The following ADGRD1 variants were observed in gnomAD, a reference collection of about 807,000 sequenced individuals.
ADGRD1 encodes adhesion G protein-coupled receptor D1.
ADGRD1 carries 77 observed loss-of-function variants against 113.4 expected under a neutral mutation model. That is an observed-to-expected ratio of 0.68 (90% CI 0.57 to 0.82). The LOEUF is 0.82. Among genes scored for constraint, ADGRD1 ranks in the 40% least tolerant of loss-of-function variants. The pLI is 0.00. For synonymous variants in ADGRD1, 474 were observed against 475.0 expected (o/e 1.00, Z 0.03); for missense variants, 1,036 against 1,139.1 (o/e 0.91, Z 1.30).
intron 20 of ADGRD1, among the ~76,000 whole-genome samples, chr12:131,122,545 A>G (rs2136060521): frequency 6.6e-6 from 1 of 152,298 alleles, no homozygotes; most frequent in South Asian, 2.1e-4. Context: ...GCCAACCAAC[A>G]TGCAAAAACG....
At chr12:131,089,461 C>G (rs73468766) in intron 15 of ADGRD1, among the ~76,000 whole-genome samples, 1 of 152,228 alleles carries the variant, frequency 6.6e-6, no homozygotes, top group African/African-American at 2.4e-5. Flanking sequence ...AGCCGACCAC[C>G]TGGGAGTAAG....
At chr12:131,102,208 C>T (rs1950103584) in intron 15 of ADGRD1, among the ~76,000 whole-genome samples, 1 of 152,206 alleles carries the variant, frequency 6.6e-6, no homozygotes, top group African/African-American at 2.4e-5. Context: ...ACACACTTAG[C>T]GTGGGGAATG....
intron 13 of ADGRD1, among the ~76,000 whole-genome samples, chr12:131,072,418 G>C (rs989013776): frequency 1.3e-5 from 2 of 152,200 alleles, no homozygotes; most frequent in African/African-American, 2.4e-5. Context: ...CTCTGACCCT[G>C]GTGCGTCCCA....
chr12:131,014,050 G>C, intron 12 of ADGRD1, 149 bp from the exon 13 acceptor site: 3 of 722,980 alleles, frequency 4.1e-6, no homozygotes, highest in Non-Finnish European at 6.7e-6. Context: ...GGAGAGCAGC[G>C]GGAGCTGAAT....
intron 5 of ADGRD1, among the ~76,000 whole-genome samples, chr12:130,986,214 T>C (rs976992100): frequency 8.5e-5 from 13 of 152,226 alleles, no homozygotes; most frequent in Admixed American, 2.0e-4. Flanking sequence ...ATTGGGATTG[T>C]GTTGAATATA....
intron 12 of ADGRD1, among the ~76,000 whole-genome samples, chr12:131,009,538 C>A (rs1434987567): frequency 2.0e-5 from 3 of 152,208 alleles, no homozygotes; most frequent in Non-Finnish European, 2.9e-5. Context: ...ATATAGGAGG[C>A]AGTCTCCATT....
Position 130,966,707 on chromosome 12 carries a change from C to T in ADGRD1, c.187+161C>T, listed in dbSNP as rs1003550610. ...GGGGAATCCCAGGGCCATCGGGGAGCAGATGTGGACACAATCTGCTTTGAA... is the reference window on the plus strand; with the variant it reads ...GGGGAATCCCAGGGCCATCGGGGAGTAGATGTGGACACAATCTGCTTTGAA... On this transcript the variant is annotated intron_variant, in intron 3 of 24. Coordinates refer to ENST00000261654, the MANE Select transcript of ADGRD1 (RefSeq NM_198827.5). This position sits in a 1 kb window ranked among gnomAD's most constrained non-coding sequence, Gnocchi z 4.6. 4.9e-6 allele frequency: 3 copies of T among 614,422 alleles called. No homozygotes were observed. The highest frequency in any genetic ancestry group is 8.8e-6 in the Non-Finnish European group (3 of 341,006). The allele number at this position is 614,422 out of a possible 1,614,324, so 38.1% of individuals were successfully genotyped here. A position where few individuals can be genotyped will look rare whatever the true frequency, so the allele number is the denominator to read the frequency against.
chr12:131,082,974 C>T (rs1023104380), intron 14 of ADGRD1, among the ~76,000 whole-genome samples: 1 of 152,236 alleles, frequency 6.6e-6, no homozygotes, highest in Non-Finnish European at 1.5e-5. Flanking sequence ...CCCTCGCGCT[C>T]CACGTCGCCC....
chr12:130,972,720 C>G (rs927922741), intron 4 of ADGRD1, among the ~76,000 whole-genome samples: 148 of 152,006 alleles, frequency 9.7e-4, no homozygotes, highest in African/African-American at 3.4e-3. Context: ...TCGGGAAGGG[C>G]GGGGGCATAT....
intron 9 of ADGRD1, among the ~76,000 whole-genome samples, chr12:131,001,692 A>G (rs1231187096): frequency 1.3e-5 from 2 of 152,284 alleles, no homozygotes; most frequent in East Asian, 1.9e-4. Context: ...CCAGATACTC[A>G]GGGATCCTGG....
chr12:130,974,633 C>T (rs1872090747), intron 4 of ADGRD1, among the ~76,000 whole-genome samples: 1 of 151,952 alleles, frequency 6.6e-6, no homozygotes, highest in Non-Finnish European at 1.5e-5. Context: ...CTCTCCAGCC[C>T]CTGCCTAACA....
chr12:131,021,057 G>A (rs1425534830), intron 13 of ADGRD1, among the ~76,000 whole-genome samples: 1 of 150,116 alleles, frequency 6.7e-6, no homozygotes, highest in East Asian at 2.0e-4. Flanking sequence ...AATGTTTTAA[G>A]CTTTTTATTC....
At chr12:130,990,816 C>A (rs1874285163) in intron 6 of ADGRD1, 198 bp from the exon 7 acceptor site, 4 of 498,206 alleles carry the variant, frequency 8.0e-6, no homozygotes, top group Non-Finnish European at 7.1e-6. Context: ...AGTAATGTGA[C>A]CTGGGAAAAT....
intron 20 of ADGRD1, 121 bp downstream of exon 20, chr12:131,121,034 C>A: frequency 1.2e-6 from 1 of 830,204 alleles, no homozygotes. Context: ...AGCGTCGTTC[C>A]TCGGTCACTC....
intron 13 of ADGRD1, among the ~76,000 whole-genome samples, chr12:131,048,706 C>G (rs1883086398): frequency 1.3e-5 from 2 of 152,182 alleles, no homozygotes; most frequent in African/African-American, 4.8e-5. Context: ...TTCTGAGAAA[C>G]CAGTCTTCAT....
At chr12:131,121,762 T>C (rs11613620) in intron 20 of ADGRD1, among the ~76,000 whole-genome samples, 24,232 of 152,168 alleles carry the variant, frequency 0.16, 2,095 homozygotes, top group Middle Eastern at 0.25. Context: ...CCAGGGCTCC[T>C]GCACCTGCAC....
chr12:131,128,344 C>T (rs1566135468), intron 20 of ADGRD1, among the ~76,000 whole-genome samples: 4 of 151,982 alleles, frequency 2.6e-5, no homozygotes, highest in Admixed American at 2.6e-4. Context: ...TGCTCGAGAT[C>T]CTCTCCAGCA....
chr12:131,084,575 C>G lies in ADGRD1; in HGVS notation c.1583C>G (p.Ala528Gly), dbSNP rs761685448. 10 of 1,614,080 alleles carry G rather than the reference C, an allele frequency of 6.2e-6. No homozygotes were observed. The African/African-American group carries it at 1.2e-4, about 19-fold the overall frequency. The change falls in exon 15 of 25, where the codon GCG becomes GGG. Residue 528 changes from alanine to glycine, a missense_variant. Coordinates refer to ENST00000261654, the MANE Select transcript of ADGRD1 (RefSeq NM_198827.5). The surrounding 1 kb of genome is among the most constrained non-coding windows in gnomAD (Gnocchi z 4.5). ...GEGVWSNHGCALTRGNLTYSV... is the reference protein window; with the variant it reads ...GEGVWSNHGCGLTRGNLTYSV... Reference sequence around the variant, plus strand: ...GGGGTCTGGTCGAACCACGGCTGTGCGCTCACGAGAGGAAACCTCACCTAC... The same window carrying G: ...GGGGTCTGGTCGAACCACGGCTGTGGGCTCACGAGAGGAAACCTCACCTAC...
intron 19 of ADGRD1, among the ~76,000 whole-genome samples, chr12:131,120,073 CCTG>C (rs1291236873): frequency 4.6e-5 from 7 of 152,160 alleles, no homozygotes; most frequent in Admixed American, 4.6e-4. Flanking sequence ...GTGGGGCAGA[CCTG>C]CTGCTCAGTG....
Sources: allele counts gnomAD v4.1 joint callset (sites outside exome capture counted in the v4.1 genomes callset), GRCh38; gene constraint gnomAD v4.1.1; non-coding constraint Gnocchi (gnomAD v3.1); transcripts MANE v1.5; gene names NCBI Gene and HGNC (gene_info 2026-07-23, HGNC 2026-07-21).